The following TRPM2 variants were observed in gnomAD, a reference collection of about 807,000 sequenced individuals.
The protein encoded by TRPM2 is estrogen-responsive element-associated gene 1 protein.
A neutral mutation model predicts 174.0 loss-of-function variants in TRPM2; 161 were observed. That is an observed-to-expected ratio of 0.93 (90% CI 0.81 to 1.05). The LOEUF (loss-of-function observed/expected upper bound fraction) is 1.05. Ranked by LOEUF, TRPM2 falls within the 50% of genes least tolerant of loss-of-function variation. The pLI is 0.00. For synonymous variants in TRPM2, 954 were observed against 861.3 expected (o/e 1.11, Z -1.88); for missense variants, 2,057 against 2,038.0 (o/e 1.01, Z -0.18).
intron 19 of TRPM2, among the ~76,000 whole-genome samples, chr21:44,408,586 TCTC>T (rs2049983664): frequency 6.6e-6 from 1 of 151,372 alleles, no homozygotes; most frequent in Admixed American, 6.6e-5. Context: ...ATGCTGAGCA[TCTC>T]CTCCTCTGCT....
chr21:44,358,270 G>A (rs1477762937), intron 2 of TRPM2, among the ~76,000 whole-genome samples: 3 of 151,958 alleles, frequency 2.0e-5, no homozygotes, highest in Non-Finnish European at 4.4e-5. Context: ...ATGACCTTGG[G>A]CAGATGACTT....
At chr21:44,418,173 G>T in intron 21 of TRPM2, 65 bp downstream of exon 21, 1 of 1,549,634 alleles carries the variant, frequency 6.5e-7, no homozygotes, top group Non-Finnish European at 8.7e-7. Flanking sequence ...GGTGGAGATG[G>T]CATGGCAGCT....
chr21:44,388,256 A>G (rs538670892), intron 9 of TRPM2, among the ~76,000 whole-genome samples: 53 of 152,368 alleles, frequency 3.5e-4, no homozygotes, highest in African/African-American at 1.2e-3. Flanking sequence ...ACATGCTGCA[A>G]CATGGTTGAA....
rs2049026445 is a variant in TRPM2, at chr21:44,386,679, C to T, written c.1318+3859C>T. Among the ~76,000 whole-genome samples the T allele has an allele frequency of 2.0e-5, 3 of 150,954 alleles. No individual in the cohort carries two copies. The South Asian group carries it at 6.2e-4, about 31-fold the overall frequency. On this transcript the variant is annotated intron_variant, in intron 9 of 31. Transcript: ENST00000397928. ...AGATGTCAGTACTACTCAAAGCAAT[C>T]TACAGATCCAATGCAATTCCTATCA...
chr21:44,419,627 T>TGG, intron 22 of TRPM2, among the ~76,000 whole-genome samples: 1 of 8,926 alleles, frequency 1.1e-4, no homozygotes, highest in Non-Finnish European at 2.4e-4. Flanking sequence ...GTGGTGGTGA[T>TGG]TGTGATGGTG....
rs776061250 is a variant in TRPM2, at chr21:44,395,480, C to T, written c.1861C>T (p.Pro621Ser). The T allele has an allele frequency of 6.2e-7, 1 of 1,613,088 alleles. No individual in the cohort carries two copies. Among genetic ancestry groups the T allele is most frequent in the South Asian group, 1.1e-5 (1 of 91,078 alleles). ...SSGHVTFTMD[P>S]IRDLLIWAIV... ...AGGCCATGTGACCTTCACCATGGAC[C>T]CCATCCGTGACCTTCTCATTTGGGC... The change falls in exon 12 of 32, where the codon CCC becomes TCC. Residue 621 changes from proline to serine, a missense_variant. Pro to Ser is a moderately conservative substitution (Grantham distance 74, BLOSUM62 -1). Coordinates refer to ENST00000397928, the MANE Select transcript of TRPM2 (RefSeq NM_003307.4).
chr21:44,426,572 C>T lies in TRPM2; in HGVS notation c.3796-88C>T, dbSNP rs546238897. The T allele has an allele frequency of 5.7e-5, 79 of 1,395,892 alleles. No homozygotes were observed. In the South Asian group the frequency reaches 8.9e-4, roughly 16 times the overall value. The allele number at this position is 1,395,892 out of a possible 1,614,324, so 86.5% of individuals were successfully genotyped here. A position where few individuals can be genotyped will look rare whatever the true frequency, so the allele number is the denominator to read the frequency against. ...TGGGATGTTGGGGTCGGGTTCAGAC[C>T]CAGCTGAGCAGCCCTTTCACCCTGG... On this transcript the variant is annotated intron_variant, in intron 25 of 31. Transcript: ENST00000397928.
chr21:44,400,164 C>A, intron 14 of TRPM2, 95 bp from the exon 15 acceptor site: 1 of 1,027,328 alleles, frequency 9.7e-7, no homozygotes, highest in Non-Finnish European at 1.5e-6. Flanking sequence ...CTAGCTCTGT[C>A]CACTAGGCAC....
Position 44,369,264 on chromosome 21 carries a change from A to G in TRPM2, c.692A>G (p.Tyr231Cys), listed in dbSNP as rs780714486. Residue 231 changes from tyrosine to cysteine, a missense_variant, in exon 5 of 32, where the codon TAC becomes TGC. Transcript: ENST00000397928. ...AVRDFSLSSS[Y>C]KEGELITIGV... Reference sequence around the variant, plus strand: ...CGGGACTTCAGCCTGAGCAGCAGCTACAAGGAAGGCGAGCTCATCACCATC... The same window carrying G: ...CGGGACTTCAGCCTGAGCAGCAGCTGCAAGGAAGGCGAGCTCATCACCATC... 6.8e-6 allele frequency: 11 copies of G among 1,613,714 alleles called. No homozygotes were observed. The highest frequency in any genetic ancestry group is 3.3e-5 in the South Asian group (3 of 91,094).
rs951560115 is a variant in TRPM2 at position 44,406,822 on chromosome 21, C to G, written c.2962+57C>G. 4 of 1,548,600 alleles carry G rather than the reference C, an allele frequency of 2.6e-6. No individual in the cohort carries two copies. In the Admixed American group the frequency reaches 8.1e-5, roughly 31 times the overall value. On this transcript the variant is annotated intron_variant, in intron 19 of 31. Coordinates refer to ENST00000397928, the MANE Select transcript of TRPM2 (RefSeq NM_003307.4). ...GTGCTGCCGGGAAGCAGGAGAGAGG[C>G]TGGAAAGGGGCCGCATGAGTGGGAG...
rs749909 is a variant in TRPM2 at position 44,434,924 on chromosome 21, G to A, written c.3975-207G>A. ...GACCCTTCCCCCACCAGGTGACCCCGAGTTAACCCAGAGCCTTGGTCTCAC... is the reference window on the plus strand; with the variant it reads ...GACCCTTCCCCCACCAGGTGACCCCAAGTTAACCCAGAGCCTTGGTCTCAC... On this transcript the variant is annotated intron_variant, in intron 27 of 31. Transcript: ENST00000397928. 0.83 allele frequency among the ~76,000 whole-genome samples: 126,264 copies of A among 152,062 alleles called. 52,578 individuals carry two copies. The highest frequency in any genetic ancestry group is 0.93 in the East Asian group (4,833 of 5,174).
intron 9 of TRPM2, among the ~76,000 whole-genome samples, chr21:44,384,125 AAAG>A (rs1238749215): frequency 4.6e-5 from 7 of 152,194 alleles, no homozygotes; most frequent in Non-Finnish European, 1.0e-4. Context: ...GACTAAGAAA[AAAG>A]AAAGAAGATT....
intron 25 of TRPM2, 43 bp from the exon 26 acceptor site, chr21:44,426,617 G>A: frequency 6.2e-7 from 1 of 1,605,464 alleles, no homozygotes; most frequent in Non-Finnish European, 8.5e-7. Context: ...CAGCTTTGCA[G>A]TGGGGGTAAA....
At chr21:44,355,522 A>T (rs114206871) in intron 2 of TRPM2, among the ~76,000 whole-genome samples, 1 of 151,904 alleles carries the variant, frequency 6.6e-6, no homozygotes, top group African/African-American at 2.4e-5. Context: ...TGACTATACA[A>T]CCTCTACCAG....
chr21:44,350,286 G>C (rs2047908085), upstream of TRPM2: 1 of 151,108 alleles, frequency 6.6e-6, no homozygotes, highest in Non-Finnish European at 1.5e-5. Flanking sequence ...GTAGGTGCCC[G>C]CCGGGGCCGG....
chr21:44,441,734 G>A lies in TRPM2; in HGVS notation c.4429G>A (p.Val1477Met), dbSNP rs778228758. The change falls in exon 32 of 32, where the codon GTG (valine) becomes ATG (methionine). Residue 1477 changes from valine (V) to methionine (M), a missense_variant. Coordinates refer to ENST00000397928, the MANE Select transcript of TRPM2 (RefSeq NM_003307.4). Reference protein sequence around the residue: ...CDSGASIRWQVVDRRIPLYAN... With the variant: ...CDSGASIRWQMVDRRIPLYAN... ...CTCGGGGGCCTCCATCCGATGGCAG[G>A]TGGTGGACAGGCGCATCCCACTCTA... is the stretch of plus-strand genomic sequence containing the variant. 6.2e-7 allele frequency: 1 copy of A among 1,612,110 alleles called. No homozygotes were observed. The highest frequency in any genetic ancestry group is 8.5e-7 in the Non-Finnish European group (1 of 1,179,148).
intron 16 of TRPM2, among the ~76,000 whole-genome samples, chr21:44,404,148 TACAG>T (rs961736083): frequency 3.3e-5 from 5 of 150,580 alleles, no homozygotes; most frequent in African/African-American, 7.4e-5. Flanking sequence ...AACACACACA[TACAG>T]ACACATACAC....
chr21:44,387,729 CA>C (rs2049053129), intron 9 of TRPM2, among the ~76,000 whole-genome samples: 1 of 151,846 alleles, frequency 6.6e-6, no homozygotes, highest in Admixed American at 6.6e-5. Flanking sequence ...CAAAAATGGG[CA>C]AAGGACTTAA....
At chr21:44,405,881 T>C (rs2146297776) in intron 17 of TRPM2, 24 bp from the exon 18 acceptor site, 11 of 1,595,958 alleles carry the variant, frequency 6.9e-6, no homozygotes, top group Non-Finnish European at 9.3e-6. Context: ...GGCTGAGATG[T>C]GTGTGCTTCT....
Sources: allele counts gnomAD v4.1 joint callset (sites outside exome capture counted in the v4.1 genomes callset), GRCh38; gene constraint gnomAD v4.1.1; transcripts MANE v1.5; gene names NCBI Gene and HGNC (gene_info 2026-07-23, HGNC 2026-07-21).